ZNF107: variants seen among roughly 807,000 people sequenced by gnomAD.
ZNF107 encodes zinc finger protein 107.
ZNF107 carries 19 observed loss-of-function variants against 12.3 expected under a neutral mutation model. The observed-to-expected ratio is 1.55, with a 90% confidence interval of 1.08 to 2.27. The LOEUF (loss-of-function observed/expected upper bound fraction) is 2.27. Among genes scored for constraint, ZNF107 ranks in the 30% most tolerant of loss-of-function variants. ZNF107 has a pLI of 0.00. For synonymous variants in ZNF107, 317 were observed against 330.5 expected, an observed-to-expected ratio of 0.96 and a Z score of 0.44; for missense variants, 958 against 979.9, an observed-to-expected ratio of 0.98 and a Z score of 0.30.
chr7:64,703,258 T>G (rs1013117057), intron 3 of ZNF107, among the ~76,000 whole-genome samples: 1 of 152,232 alleles, frequency 6.6e-6, no homozygotes, highest in African/African-American at 2.4e-5. Context: ...TTAACCATAT[T>G]CATTGTCTAC....
chr7:64,686,492 C>T (rs999644773), intron 1 of ZNF107: 4 of 985,084 alleles, frequency 4.1e-6, no homozygotes, highest in Middle Eastern at 5.2e-4. Flanking sequence ...CCCCAAGTCC[C>T]GCTCGAAGAA....
At chr7:64,677,462 G>T (rs766223034) in intron 1 of ZNF107, among the ~76,000 whole-genome samples, 8 of 76,814 alleles carry the variant, frequency 1.0e-4, no homozygotes, top group Non-Finnish European at 1.5e-4. Flanking sequence ...ATGAGCCACC[G>T]CACCTCGCCG....
chr7:64,685,290 G>A (rs1789860903), intron 1 of ZNF107, among the ~76,000 whole-genome samples: 1 of 152,138 alleles, frequency 6.6e-6, no homozygotes, highest in Non-Finnish European at 1.5e-5. Flanking sequence ...TGTTCCATCA[G>A]TGCAACTACG....
chr7:64,696,420 G>A (rs937912070), intron 3 of ZNF107, among the ~76,000 whole-genome samples: 1 of 152,154 alleles, frequency 6.6e-6, no homozygotes, highest in Non-Finnish European at 1.5e-5. Flanking sequence ...GAGATTGAGA[G>A]AGGAGGATTA....
At chr7:64,673,029 G>A (rs1405375469) in intron 1 of ZNF107, among the ~76,000 whole-genome samples, 1 of 152,086 alleles carries the variant, frequency 6.6e-6, no homozygotes, top group Non-Finnish European at 1.5e-5. Flanking sequence ...CTAATGATTA[G>A]TGATGAGCAT....
chr7:64,668,744 T>G (rs973543761), intron 1 of ZNF107, among the ~76,000 whole-genome samples: 1 of 152,118 alleles, frequency 6.6e-6, no homozygotes, highest in Non-Finnish European at 1.5e-5. Context: ...GGTGTGTTTT[T>G]TATGGCTGGG....
Position 64,700,697 on chromosome 7 carries a change from G to A in ZNF107, c.227-5627G>A, listed in dbSNP as rs1790448976. Among the ~76,000 whole-genome samples, 3 of 151,806 alleles carry A rather than the reference G, an allele frequency of 2.0e-5. No individual in the cohort carries two copies. The South Asian group carries it at 6.2e-4, about 32-fold the overall frequency. ...TGGGATTACAGGTGCCTGCCACCAT[G>A]CCTGGCTAATTTTTGTATTTTTAGT... On this transcript the variant is annotated intron_variant, in intron 3 of 3. Transcript: ENST00000620827.
At chr7:64,701,125 A>G (rs1019295502) in intron 3 of ZNF107, among the ~76,000 whole-genome samples, 10 of 152,154 alleles carry the variant, frequency 6.6e-5, no homozygotes, top group African/African-American at 2.4e-4. Flanking sequence ...CTATTATATA[A>G]TATCAATCTT....
chr7:64,666,605 G>C (rs934024634), intron 1 of ZNF107, among the ~76,000 whole-genome samples: 1 of 152,212 alleles, frequency 6.6e-6, no homozygotes, highest in Non-Finnish European at 1.5e-5. Flanking sequence ...CCCCGATTGT[G>C]CAGGGATGCC....
chr7:64,666,156 G>T lies in ZNF107; in HGVS notation c.-127G>T. 1 of 1,312,768 alleles carries T rather than the reference G, an allele frequency of 7.6e-7. No individual in the cohort carries two copies. Among genetic ancestry groups the T allele is most frequent in the Non-Finnish European group, 1.1e-6 (1 of 928,586 alleles). 81.3% of individuals were successfully genotyped at this position (1,312,768 alleles called of 1,614,324 possible). A position where few individuals can be genotyped will look rare whatever the true frequency, so the allele number is the denominator to read the frequency against. On this transcript the variant is annotated 5_prime_UTR_variant, in exon 1 of 4. Coordinates refer to ENST00000620827, the MANE Select transcript of ZNF107 (RefSeq NM_001282359.2). The stretch of plus-strand genomic sequence containing the variant: ...GGGCCTTTGTCTCTGGCTGCAGCCG[G>T]AGCTCCTGCTCTCCTCCTCACTGCT...
chr7:64,668,768 T>TG (rs1414714320), intron 1 of ZNF107, among the ~76,000 whole-genome samples: 1 of 152,038 alleles, frequency 6.6e-6, no homozygotes, highest in Non-Finnish European at 1.5e-5. Flanking sequence ...TGTCCAACGG[T>TG]ATTCCAAGGC....
At chr7:64,673,383 CT>C (rs1375304328) in intron 1 of ZNF107, among the ~76,000 whole-genome samples, 1 of 152,158 alleles carries the variant, frequency 6.6e-6, no homozygotes, top group Non-Finnish European at 1.5e-5. Context: ...TGTATGTCTT[CT>C]TTTGAAAAGC....
intron 3 of ZNF107, among the ~76,000 whole-genome samples, chr7:64,694,236 C>T (rs748560109): frequency 2.6e-4 from 40 of 152,232 alleles, no homozygotes; most frequent in Non-Finnish European, 5.6e-4. Context: ...CTCCTCCAGG[C>T]CTCTGGAAAG....
chr7:64,684,304 C>G (rs749631090), intron 1 of ZNF107, among the ~76,000 whole-genome samples: 6 of 152,186 alleles, frequency 3.9e-5, no homozygotes, highest in Non-Finnish European at 8.8e-5. Flanking sequence ...TGAAATCTGT[C>G]AGGCTGCTAA....
intron 1 of ZNF107, among the ~76,000 whole-genome samples, chr7:64,685,023 T>G (rs1295078757): frequency 6.6e-6 from 1 of 152,144 alleles, no homozygotes; most frequent in Non-Finnish European, 1.5e-5. Context: ...CCTACCACCC[T>G]CGTAATGAAG....
At chr7:64,672,885 G>A (rs2128956254) in intron 1 of ZNF107, among the ~76,000 whole-genome samples, 1 of 152,204 alleles carries the variant, frequency 6.6e-6, no homozygotes, top group African/African-American at 2.4e-5. Context: ...CACAATGGTT[G>A]AACTAATTTA....
At chr7:64,682,283 G>A (rs950305510) in intron 1 of ZNF107, among the ~76,000 whole-genome samples, 6 of 151,778 alleles carry the variant, frequency 4.0e-5, no homozygotes, top group African/African-American at 9.7e-5. Context: ...CACTCCCCCC[G>A]CTGACCGTAT....
At chr7:64,683,356 A>G (rs1039728210) in intron 1 of ZNF107, among the ~76,000 whole-genome samples, 1 of 152,214 alleles carries the variant, frequency 6.6e-6, no homozygotes, top group African/African-American at 2.4e-5. Flanking sequence ...GAGGATGCCA[A>G]AAACCAACAG....
chr7:64,687,084 T>C, intron 1 of ZNF107: 1 of 985,446 alleles, frequency 1.0e-6, no homozygotes, highest in Non-Finnish European at 1.2e-6. Flanking sequence ...TAATCTGAGT[T>C]TTTTTCTTAA....
Sources: gnomAD v4.1 joint callset for allele counts (sites outside exome capture counted in the v4.1 genomes callset) on GRCh38, gnomAD v4.1.1 for gene constraint, MANE v1.5 for transcripts, NCBI Gene and HGNC (gene_info 2026-07-23, HGNC 2026-07-21) for gene names.